The following LAMA3 variants were observed in gnomAD, a reference collection of about 807,000 sequenced individuals.
LAMA3 encodes laminin subunit alpha 3.
In LAMA3, 281 loss-of-function variants were observed where a neutral mutation model predicts 402.0. The ratio of observed to expected loss-of-function variants is 0.70; its 90% CI spans 0.63 to 0.77. The LOEUF (loss-of-function observed/expected upper bound fraction) is 0.77, where lower values mean the gene tolerates loss of function less well. Ranked by LOEUF, LAMA3 falls within the 30% of genes least tolerant of loss-of-function variation. The pLI is 0.00. For synonymous variants in LAMA3, 1,431 were observed against 1,558.4 expected, an observed-to-expected ratio of 0.92 and a Z score of 1.93; for missense variants, 3,840 against 4,215.5, an observed-to-expected ratio of 0.91 and a Z score of 2.47.
At chr18:23,896,088 C>T (rs534237750) in intron 44 of LAMA3, among the ~76,000 whole-genome samples, 7 of 152,308 alleles carry the variant, frequency 4.6e-5, no homozygotes, top group Admixed American at 2.6e-4. Context: ...GTAATCCCAG[C>T]GCTTTGGGAG....
chr18:23,798,282 C>T (rs181428429), intron 12 of LAMA3, among the ~76,000 whole-genome samples: 13 of 152,270 alleles, frequency 8.5e-5, no homozygotes, highest in African/African-American at 2.2e-4. Flanking sequence ...TGAAGGCACC[C>T]GGAAGTGCAG....
chr18:23,838,863 G>T lies in LAMA3; in HGVS notation c.3176G>T (p.Arg1059Leu). 1.9e-6 allele frequency: 3 copies of T among 1,602,750 alleles called. No homozygotes were observed. The highest frequency in any genetic ancestry group is 1.1e-5 in the South Asian group (1 of 90,838). Residue 1059 changes from arginine to leucine, a missense_variant, in exon 26 of 75, where the codon CGA (arginine) becomes CTA (leucine). Physicochemically the swap from Arg to Leu is moderately radical, Grantham distance 102. Around this residue, in one of 3 missense-constraint regions of LAMA3, gnomAD observed 2,109 missense variants for 2,376.0 expected, o/e 0.89. Transcript: ENST00000313654. ...GTCCACTGCATTGCCAGTTATGGGC[G>T]ATTTGTCAATCAAAGGTAATGTGTT... ...PQVHCIASYG[R>L]FVNQSATCVS...
At chr18:23,731,085 C>T (rs891012864) in intron 2 of LAMA3, among the ~76,000 whole-genome samples, 2 of 152,122 alleles carry the variant, frequency 1.3e-5, no homozygotes, top group Non-Finnish European at 2.9e-5. Flanking sequence ...GGACAAAGAA[C>T]CTGCTTTTAC....
intron 8 of LAMA3, among the ~76,000 whole-genome samples, chr18:23,764,475 A>G (rs1241556663): frequency 6.6e-6 from 1 of 152,158 alleles, no homozygotes; most frequent in Non-Finnish European, 1.5e-5. Flanking sequence ...AAGCCCCTTC[A>G]ATGTGTCTTT....
At chr18:23,855,406 G>A (rs894918505) in intron 32 of LAMA3, among the ~76,000 whole-genome samples, 2 of 152,306 alleles carry the variant, frequency 1.3e-5, no homozygotes, top group East Asian at 3.9e-4. Context: ...TTTGGGAGGG[G>A]TCATCTGCTC....
At chr18:23,851,408 G>A (rs551223223) in intron 32 of LAMA3, among the ~76,000 whole-genome samples, 13 of 152,106 alleles carry the variant, frequency 8.5e-5, no homozygotes, top group Non-Finnish European at 1.3e-4. Flanking sequence ...TGTGAGTTGC[G>A]TCCTGTCTCT....
chr18:23,690,107 C>G, intron 1 of LAMA3, 130 bp downstream of exon 1: 1 of 735,222 alleles, frequency 1.4e-6, no homozygotes, highest in Non-Finnish European at 2.0e-6. Flanking sequence ...GGGCAGCCCC[C>G]ATCCCCGCGC....
chr18:23,713,891 A>T, intron 1 of LAMA3, 29 bp from the exon 2 acceptor site: 2 of 1,602,992 alleles, frequency 1.2e-6, no homozygotes, highest in Non-Finnish European at 1.7e-6. Context: ...AAAACAAAAA[A>T]CAAAAAAAAC....
intron 67 of LAMA3, among the ~76,000 whole-genome samples, chr18:23,936,858 A>G (rs886553346): frequency 7.2e-5 from 11 of 152,340 alleles, no homozygotes; most frequent in Admixed American, 7.2e-4. Flanking sequence ...GTAAACTGGA[A>G]TCACACCCTG....
chr18:23,689,762 C>A lies in LAMA3; in HGVS notation c.79C>A (p.Arg27=), dbSNP rs371129898. 9.4e-4 allele frequency: 1,430 copies of A among 1,523,092 alleles called. 16 individuals are homozygous for A. The African/African-American group carries it at 0.018, about 20-fold the overall frequency. 94.3% of individuals were successfully genotyped at this position (1,523,092 alleles called of 1,614,324 possible). A position where few individuals can be genotyped will look rare whatever the true frequency, so the allele number is the denominator to read the frequency against. Residue 27 remains arginine (R), a synonymous_variant, in exon 1 of 75, where the codon CGG becomes AGG. Transcript: ENST00000313654. ...PPTPLLLLVL[R]VLPACGATAR... ...GACGCCGCTGCTCCTGCTGGTACTG[C>A]GGGTGCTGCCAGCCTGCGGGGCGAC...
At chr18:23,845,147 G>A in intron 30 of LAMA3, 23 bp downstream of exon 30, 1 of 1,368,440 alleles carries the variant, frequency 7.3e-7, no homozygotes, top group Non-Finnish European at 1.0e-6. Context: ...TTGTGGGAAG[G>A]CTCTGGAATG....
At position 23,775,799 on chromosome 18, in the gene LAMA3, C is replaced by T; in HGVS notation, c.1281C>T (p.Ser427=). Residue 427 remains serine (S), a synonymous_variant, in exon 10 of 75, where the codon AGC becomes AGT. Coordinates refer to ENST00000313654, the MANE Select transcript of LAMA3 (RefSeq NM_198129.4). Reference sequence around the variant, plus strand: ...AACTGGGATTTCTCTTAGCCTGCAGCTGTGACCCTGAGCATGCGGATGGCT... The same window carrying T: ...AACTGGGATTTCTCTTAGCCTGCAGTTGTGACCCTGAGCATGCGGATGGCT... ...VDAPDGCIPC[S]CDPEHADGCE... The T allele has an allele frequency of 6.2e-7, 1 of 1,614,034 alleles. No individual in the cohort carries two copies. Among genetic ancestry groups the T allele is most frequent in the Non-Finnish European group, 8.5e-7 (1 of 1,179,872 alleles).
At chr18:23,854,812 A>G (rs1486074429) in intron 32 of LAMA3, among the ~76,000 whole-genome samples, 2 of 145,094 alleles carry the variant, frequency 1.4e-5, no homozygotes, top group African/African-American at 2.6e-5. Context: ...TGAAACCTCG[A>G]CTCTCCTAAA....
intron 24 of LAMA3, among the ~76,000 whole-genome samples, chr18:23,835,710 C>T (rs1281246584): frequency 5.3e-5 from 8 of 152,114 alleles, no homozygotes; most frequent in African/African-American, 1.7e-4. Context: ...CAACAGGCTA[C>T]AAGTATGGGA....
chr18:23,743,302 A>C (rs1362063321), intron 2 of LAMA3, among the ~76,000 whole-genome samples: 4 of 152,180 alleles, frequency 2.6e-5, no homozygotes, highest in South Asian at 2.1e-4. Context: ...TATCCCCCCC[A>C]GGGGAGTTGA....
At chr18:23,702,191 A>G in intron 1 of LAMA3, among the ~76,000 whole-genome samples, 1 of 151,952 alleles carries the variant, frequency 6.6e-6, no homozygotes, top group South Asian at 2.1e-4. Flanking sequence ...GAGCAAGGAG[A>G]ATGTGTGAAA....
chr18:23,741,979 G>A (rs1478874599), intron 2 of LAMA3, among the ~76,000 whole-genome samples: 1 of 152,028 alleles, frequency 6.6e-6, no homozygotes, highest in Non-Finnish European at 1.5e-5. Flanking sequence ...AAAATTAGCT[G>A]GGCATGGTGG....
chr18:23,907,465 C>A, intron 52 of LAMA3, 85 bp from the exon 53 acceptor site: 4 of 947,928 alleles, frequency 4.2e-6, no homozygotes, highest in Admixed American at 3.4e-5. Flanking sequence ...GCTGTGCAGA[C>A]ACTGGCTACT....
intron 2 of LAMA3, among the ~76,000 whole-genome samples, chr18:23,746,865 G>A (rs959037063): frequency 2.6e-5 from 4 of 151,356 alleles, no homozygotes; most frequent in African/African-American, 9.7e-5. Context: ...GTTTACATTA[G>A]CTGGCAGTTC....
Sources: gnomAD v4.1 joint callset for allele counts (sites outside exome capture counted in the v4.1 genomes callset) on GRCh38, gnomAD v4.1.1 for gene constraint, gnomAD v4.1.1 regional missense constraint, MANE v1.5 for transcripts, NCBI Gene and HGNC (gene_info 2026-07-23, HGNC 2026-07-21) for gene names.